Variants in WDR27 observed in about 807,000 individuals in gnomAD.
WDR27 encodes WD repeat domain 27.
In WDR27, 100 loss-of-function variants were observed where a neutral mutation model predicts 114.4. The observed-to-expected ratio is 0.87, with a 90% CI of 0.74 to 1.03. The LOEUF (loss-of-function observed/expected upper bound fraction) is 1.03. WDR27 is among the 50% of genes least tolerant of loss of function. The pLI is 0.00. For synonymous variants in WDR27, 449 were observed against 423.1 expected (o/e 1.06, Z -0.75); for missense variants, 1,129 against 1,092.9 (o/e 1.03, Z -0.47).
chr6:169,546,491 A>G (rs1797469503), intron 25 of WDR27, among the ~76,000 whole-genome samples: 1 of 152,108 alleles, frequency 6.6e-6, no homozygotes, highest in Non-Finnish European at 1.5e-5. Flanking sequence ...GGGGACACTG[A>G]GGATAGGGCA....
chr6:169,605,931 T>C (rs933406545), intron 22 of WDR27, among the ~76,000 whole-genome samples: 3 of 152,066 alleles, frequency 2.0e-5, no homozygotes, highest in African/African-American at 7.2e-5. Flanking sequence ...TGGACCCTTA[T>C]CTCTCCCCAT....
At chr6:169,629,213 C>T (rs77986095) in intron 21 of WDR27, among the ~76,000 whole-genome samples, 3,432 of 152,228 alleles carry the variant, frequency 0.023, 74 homozygotes, top group East Asian at 0.089. Context: ...TTAAACCTTG[C>T]ATGTTATTTT....
chr6:169,698,293 AGTGTACTCG>A (rs1786804796), intron 1 of WDR27, among the ~76,000 whole-genome samples: 2 of 125,954 alleles, frequency 1.6e-5, no homozygotes, highest in South Asian at 5.2e-4. Context: ...CCTCTGCCTC[AGTGTACTCG>A]GCTTTAATGC....
intron 25 of WDR27, among the ~76,000 whole-genome samples, chr6:169,502,187 G>A (rs1421872015): frequency 6.6e-6 from 1 of 152,200 alleles, no homozygotes; most frequent in African/African-American, 2.4e-5. Context: ...CATGCAGGGA[G>A]AGGAAGCCGC....
chr6:169,619,042 G>A (rs777376968), intron 21 of WDR27, among the ~76,000 whole-genome samples: 1 of 152,002 alleles, frequency 6.6e-6, no homozygotes, highest in Admixed American at 6.6e-5. Context: ...TCTCATCCAA[G>A]AGTACACCAC....
chr6:169,478,273 AAT>A (rs1392665519), intron 25 of WDR27, among the ~76,000 whole-genome samples: 5 of 152,342 alleles, frequency 3.3e-5, no homozygotes, highest in African/African-American at 1.2e-4. Context: ...ATTATATATC[AAT>A]AAGCCTTCAT....
intron 25 of WDR27, among the ~76,000 whole-genome samples, chr6:169,545,189 T>C (rs1278329293): frequency 2.0e-5 from 3 of 152,040 alleles, no homozygotes; most frequent in South Asian, 2.1e-4. Context: ...CAGTATGGTA[T>C]TGGTGAAGAG....
At chr6:169,531,676 T>C (rs1181814056) in intron 25 of WDR27, among the ~76,000 whole-genome samples, 3 of 142,198 alleles carry the variant, frequency 2.1e-5, no homozygotes, top group Non-Finnish European at 4.6e-5. Flanking sequence ...TTTTTTGAAA[T>C]GGAGTGTCAC....
chr6:169,504,493 T>G (rs975359572), intron 25 of WDR27, among the ~76,000 whole-genome samples: 1 of 152,106 alleles, frequency 6.6e-6, no homozygotes, highest in African/African-American at 2.4e-5. Context: ...ACCATGATTG[T>G]GAGGCTCCCC....
the WDR27 span, among the ~76,000 whole-genome samples, chr6:169,432,037 C>A: frequency 6.6e-6 from 1 of 152,110 alleles, no homozygotes; most frequent in Non-Finnish European, 1.5e-5. Context: ...TCTAAACTTT[C>A]TTTTTTTCAA....
chr6:169,656,144 G>A (rs1387329837), intron 13 of WDR27, among the ~76,000 whole-genome samples: 1 of 151,996 alleles, frequency 6.6e-6, no homozygotes, highest in African/African-American at 2.4e-5. Context: ...TCAGAATGGG[G>A]GAGTGCATGT....
intron 21 of WDR27, among the ~76,000 whole-genome samples, chr6:169,632,018 C>G (rs1816525588): frequency 6.6e-6 from 1 of 151,872 alleles, no homozygotes; most frequent in Admixed American, 6.6e-5. Context: ...AACTCCATCT[C>G]TACTAAAAAT....
chr6:169,657,653 CAT>C (rs1260976999), intron 13 of WDR27: 1 of 152,490 alleles, frequency 6.6e-6, no homozygotes, highest in African/African-American at 2.4e-5. Context: ...AGAAAGGGAA[CAT>C]AATGACGTTT....
intron 1 of WDR27, among the ~76,000 whole-genome samples, chr6:169,700,674 T>C (rs1183644211): frequency 1.3e-5 from 2 of 152,194 alleles, no homozygotes; most frequent in Non-Finnish European, 2.9e-5. Flanking sequence ...CACAGGACTG[T>C]GTGAGCAAGA....
intron 25 of WDR27, among the ~76,000 whole-genome samples, chr6:169,530,741 C>T (rs1462181270): frequency 1.3e-5 from 2 of 152,188 alleles, no homozygotes; most frequent in African/African-American, 4.8e-5. Context: ...CACAGAACAT[C>T]GAACCTCTCC....
In WDR27 at chr6:169,660,662, C is replaced by T; in HGVS notation, c.1129+1G>A. 1.2e-6 allele frequency: 2 copies of T among 1,611,418 alleles called. No individual in the cohort carries two copies. Among genetic ancestry groups the T allele is most frequent in the Non-Finnish European group, 1.7e-6 (2 of 1,177,582 alleles). On this transcript the variant is annotated splice_donor_variant, in intron 10 of 25. Transcript: ENST00000448612. LOFTEE classifies it high-confidence loss of function. ...CATGGCGTTGAAATCAAAGATCTTA[C>T]CCTTGTAATACAAAGCAGCTTCCAC...
chr6:169,591,316 A>G (rs142132339), intron 23 of WDR27, among the ~76,000 whole-genome samples: 77 of 152,294 alleles, frequency 5.1e-4, no homozygotes, highest in African/African-American at 1.7e-3. Context: ...TCTTCATCTG[A>G]TAATTTCACC....
intron 25 of WDR27, among the ~76,000 whole-genome samples, chr6:169,483,458 C>T (rs1044313528): frequency 3.3e-5 from 5 of 152,110 alleles, no homozygotes; most frequent in Admixed American, 2.0e-4. Context: ...TACATCCTCC[C>T]AAGACTAAAC....
At position 169,631,961 on chromosome 6, in the gene WDR27, C is replaced by T. The variant is rs150263638; in HGVS notation, c.2223+986G>A. On this transcript the variant is annotated intron_variant, in intron 21 of 25. Coordinates refer to ENST00000448612, the MANE Select transcript of WDR27 (RefSeq NM_182552.5). Reference sequence around the variant, plus strand: ...CTGCACTTTGGGAGGCCGAGGCAGGCTGATCACAAGGTCAGGAGTTCGAGA... The same window carrying T: ...CTGCACTTTGGGAGGCCGAGGCAGGTTGATCACAAGGTCAGGAGTTCGAGA... Among the ~76,000 whole-genome samples, 1,450 of 152,128 alleles carry T rather than the reference C, an allele frequency of 9.5e-3. 14 individuals carry two copies. Among genetic ancestry groups the T allele is most frequent in the Non-Finnish European group, 0.016 (1,091 of 67,988 alleles).
Sources: allele counts gnomAD v4.1 joint callset (sites outside exome capture counted in the v4.1 genomes callset), GRCh38; gene constraint gnomAD v4.1.1; transcripts MANE v1.5; gene names NCBI Gene and HGNC (gene_info 2026-07-23, HGNC 2026-07-21).